The following CDC14B variants were observed in gnomAD, a reference collection of about 807,000 sequenced individuals.
CDC14B encodes the protein dual specificity protein phosphatase CDC14B.
Under a neutral mutation model 64.2 loss-of-function variants are expected in CDC14B, and 22 were observed. The observed-to-expected ratio is 0.34, with a 90% CI of 0.24 to 0.49. The LOEUF (loss-of-function observed/expected upper bound fraction) is 0.49. Among genes scored for constraint, CDC14B ranks in the 20% least tolerant of loss-of-function variants. CDC14B has a pLI of 0.99. For synonymous variants in CDC14B, 191 were observed against 215.8 expected, an observed-to-expected ratio of 0.89 and a Z score of 1.01; for missense variants, 498 against 629.9, an observed-to-expected ratio of 0.79 and a Z score of 2.24.
At chr9:96,496,427 G>T, downstream of CDC14B, 3 of 462,076 alleles carry the variant, frequency 6.5e-6, no homozygotes, top group Admixed American at 7.0e-5. Flanking sequence ...GCCTGTCTCA[G>T]GGCTTGAGTT....
chr9:96,578,844 A>T (rs1844963837), intron 1 of CDC14B, among the ~76,000 whole-genome samples: 2 of 152,200 alleles, frequency 1.3e-5, no homozygotes, highest in African/African-American at 4.8e-5. Flanking sequence ...TTTGAGACGG[A>T]GTCTCACTCT....
Position 96,515,894 on chromosome 9 carries a change from C to A in CDC14B, c.1344-6105G>T. ...AAGCCATATGTGAATTTTAGACACC[C>A]TAAAAGCCCAGCCAACAGCAACAGG... On this transcript the variant is annotated intron_variant, in intron 12 of 13. Transcript: ENST00000375241. The surrounding 1 kb of genome is among the most constrained non-coding windows in gnomAD (Gnocchi z 4.3). The A allele has an allele frequency of 1.8e-6, 2 of 1,121,148 alleles. No homozygotes were observed. The highest frequency in any genetic ancestry group is 1.2e-6 in the Non-Finnish European group (1 of 811,872). 69.4% of individuals were successfully genotyped at this position (1,121,148 alleles called of 1,614,324 possible).
Position 96,534,469 on chromosome 9 carries a change from G to GC in CDC14B, c.700dup (p.Ala234GlyfsTer4). Reference sequence around the variant, plus strand: ...ATTTCACATACCACTTTCAAGTCTGGCTCTTGAATGAGGTCCACAGAAGGC... The same window carrying GC: ...ATTTCACATACCACTTTCAAGTCTGGCCTCTTGAATGAGGTCCACAGAAGGC... On this transcript the variant is annotated frameshift_variant, in exon 8 of 14. Transcript: ENST00000375241. LOFTEE classifies it high-confidence loss of function. 1 of 1,603,748 alleles carries GC rather than the reference G, an allele frequency of 6.2e-7. No homozygotes were observed. The highest frequency in any genetic ancestry group is 8.5e-7 in the Non-Finnish European group (1 of 1,170,698).
chr9:96,515,523 A>G lies in CDC14B; in HGVS notation c.1344-5734T>C. On this transcript the variant is annotated intron_variant, in intron 12 of 13. Coordinates refer to ENST00000375241, the MANE Select transcript of CDC14B (RefSeq NM_033331.4). This position sits in a 1 kb window ranked among gnomAD's most constrained non-coding sequence, Gnocchi z 4.3. Reference sequence around the variant, plus strand: ...ATCCCATTAATTGAAAAGATTCAGAAAAAGAACCTTTGAAAATAGGCAAAC... The same window carrying G: ...ATCCCATTAATTGAAAAGATTCAGAGAAAGAACCTTTGAAAATAGGCAAAC... 2 of 959,182 alleles carry G rather than the reference A, an allele frequency of 2.1e-6. No homozygotes were observed. The highest frequency in any genetic ancestry group is 3.0e-6 in the Non-Finnish European group (2 of 677,000). 59.4% of individuals were successfully genotyped at this position (959,182 alleles called of 1,614,324 possible). A position where few individuals can be genotyped will look rare whatever the true frequency, so the allele number is the denominator to read the frequency against.
At chr9:96,527,131 T>G (rs1040418343) in intron 9 of CDC14B, among the ~76,000 whole-genome samples, 1 of 151,918 alleles carries the variant, frequency 6.6e-6, no homozygotes, top group Non-Finnish European at 1.5e-5. Flanking sequence ...TGGGGCCGGG[T>G]GCGGTGGCTT....
chr9:96,494,648 A>G (rs570229382), intron 13 of CDC14B, among the ~76,000 whole-genome samples: 10 of 152,236 alleles, frequency 6.6e-5, no homozygotes, highest in East Asian at 1.9e-4. Flanking sequence ...CCTTGGGCCA[A>G]TCAGTCCTCT....
chr9:96,567,201 A>C (rs1844126809), intron 1 of CDC14B: 1 of 270,742 alleles, frequency 3.7e-6, no homozygotes, highest in Non-Finnish European at 7.1e-6. Context: ...GCGGGCCTGC[A>C]GAGGGAAGAG....
intron 6 of CDC14B, among the ~76,000 whole-genome samples, chr9:96,539,355 G>GC (rs1839729925): frequency 6.6e-6 from 1 of 152,130 alleles, no homozygotes; most frequent in South Asian, 2.1e-4. Flanking sequence ...TAAGTTTGTT[G>GC]TGTTTTGTTT....
intron 9 of CDC14B, among the ~76,000 whole-genome samples, chr9:96,526,535 T>G (rs948687383): frequency 2.0e-5 from 3 of 152,144 alleles, no homozygotes; most frequent in African/African-American, 7.2e-5. Flanking sequence ...AGAATTAACT[T>G]CTGTTGTTTA....
rs1325412186 is a variant in CDC14B at position 96,542,639 on chromosome 9, T to C, written c.498-747A>G. On this transcript the variant is annotated intron_variant, in intron 5 of 13. Coordinates refer to ENST00000375241, the MANE Select transcript of CDC14B (RefSeq NM_033331.4). The stretch of plus-strand genomic sequence containing the variant: ...CAGTAGCAAGGACCACAGGCATGTA[T>C]CACCGCATCTAGCTAACTTTTTTTT... 5.3e-5 allele frequency among the ~76,000 whole-genome samples: 8 copies of C among 151,746 alleles called. No homozygotes were observed. The South Asian group carries it at 1.0e-3, about 20-fold the overall frequency.
At chr9:96,566,135 A>G (rs560962247) in intron 1 of CDC14B, among the ~76,000 whole-genome samples, 1 of 152,292 alleles carries the variant, frequency 6.6e-6, no homozygotes, top group African/African-American at 2.4e-5. Flanking sequence ...GGCTGCTGTG[A>G]GGTTAGCAAG....
chr9:96,593,798 G>A (rs2118661720), intron 1 of CDC14B, among the ~76,000 whole-genome samples: 1 of 152,236 alleles, frequency 6.6e-6, no homozygotes, highest in African/African-American at 2.4e-5. Flanking sequence ...AAGAAGAGAT[G>A]TCAAGAGAAG....
At chr9:96,522,023 ATTAGAAAATCAT>A in intron 12 of CDC14B, among the ~76,000 whole-genome samples, 1 of 152,342 alleles carries the variant, frequency 6.6e-6, no homozygotes, top group African/African-American at 2.4e-5. Flanking sequence ...TTCCTCTATA[ATTAGAAAATCAT>A]TCCCCAAAGA....
rs1397851149 is a variant in CDC14B, at chr9:96,502,362, A to G, written c.*1391T>C. On this transcript the variant is annotated 3_prime_UTR_variant, in exon 14 of 14. Transcript: ENST00000375241. ...AAAGACTTTTAACTTGTTTATTCCA[A>G]CCGCTTTTATTTCTTCCAGTTTTGT... 1 of 152,478 alleles carries G rather than the reference A, an allele frequency of 6.6e-6. No homozygotes were observed. Among genetic ancestry groups the G allele is most frequent in the Non-Finnish European group, 1.5e-5 (1 of 68,272 alleles). 9.4% of individuals were successfully genotyped at this position (152,478 alleles called of 1,614,324 possible).
At chr9:96,603,085 A>G (rs1419931466) in intron 1 of CDC14B, among the ~76,000 whole-genome samples, 1 of 151,856 alleles carries the variant, frequency 6.6e-6, no homozygotes, top group African/African-American at 2.4e-5. Flanking sequence ...TGAGTAACCT[A>G]AGAGCAGTGA....
chr9:96,606,199 G>GA (rs905444274), intron 1 of CDC14B, among the ~76,000 whole-genome samples: 1 of 151,200 alleles, frequency 6.6e-6, no homozygotes, highest in Admixed American at 6.6e-5. Context: ...CGGGTGTGGT[G>GA]ATGTGTGCCT....
downstream of CDC14B, among the ~76,000 whole-genome samples, chr9:96,496,990 C>T (rs1833274656): frequency 1.3e-5 from 2 of 152,194 alleles, no homozygotes; most frequent in South Asian, 2.1e-4. Flanking sequence ...CTGCATTCCC[C>T]GGAGTCCCAC....
chr9:96,509,333 C>T (rs889860507), intron 13 of CDC14B, among the ~76,000 whole-genome samples: 3 of 152,208 alleles, frequency 2.0e-5, no homozygotes, highest in African/African-American at 7.2e-5. Context: ...TGCAGCTAAT[C>T]GTCCAGCAAT....
intron 1 of CDC14B, among the ~76,000 whole-genome samples, chr9:96,584,528 A>G (rs1845352003): frequency 6.6e-6 from 1 of 152,240 alleles, no homozygotes; most frequent in Non-Finnish European, 1.5e-5. Context: ...CTTCTAGGAT[A>G]AGCCAAGAAC....
Sources: allele counts gnomAD v4.1 joint callset (sites outside exome capture counted in the v4.1 genomes callset), GRCh38; gene constraint gnomAD v4.1.1; non-coding constraint Gnocchi (gnomAD v3.1); transcripts MANE v1.5; gene names NCBI Gene and HGNC (gene_info 2026-07-23, HGNC 2026-07-21).